Variants in HPSE2 observed in about 807,000 individuals in gnomAD.
HPSE2 encodes the protein inactive heparanase-2.
HPSE2 carries 38 observed loss-of-function variants against 60.5 expected under a neutral mutation model. That is an observed-to-expected ratio of 0.63 (90% CI 0.48 to 0.82). The LOEUF (loss-of-function observed/expected upper bound fraction) is 0.82, where lower values mean the gene tolerates loss of function less well. HPSE2 is among the 40% of genes least tolerant of loss of function. The probability of loss-of-function intolerance (pLI) is 0.00; values close to 1 mark genes in which losing one functional copy is unlikely to be tolerated. For missense variants in HPSE2, 713 were observed against 740.4 expected (o/e 0.96, Z 0.43); for synonymous variants, 295 against 293.2 (o/e 1.01, Z -0.06).
intron 3 of HPSE2, among the ~76,000 whole-genome samples, chr10:98,826,776 C>A (rs918739527): frequency 2.1e-4 from 32 of 152,154 alleles, no homozygotes; most frequent in Non-Finnish European, 4.4e-4. Flanking sequence ...GGGAGTAAAT[C>A]CACTAGCTCA....
At chr10:98,985,581 A>G (rs1170722866) in intron 3 of HPSE2, among the ~76,000 whole-genome samples, 1 of 152,234 alleles carries the variant, frequency 6.6e-6, no homozygotes, top group African/African-American at 2.4e-5. Flanking sequence ...AAACTGCATC[A>G]ACTAACGAGC....
intron 6 of HPSE2, among the ~76,000 whole-genome samples, chr10:98,643,635 A>G (rs959268935): frequency 1.3e-5 from 2 of 152,224 alleles, no homozygotes; most frequent in Admixed American, 6.5e-5. Context: ...TAACCTGTTC[A>G]TAGTAGTACT....
chr10:98,956,533 A>G (rs1289403418), intron 3 of HPSE2, among the ~76,000 whole-genome samples: 3 of 152,146 alleles, frequency 2.0e-5, no homozygotes, highest in African/African-American at 7.2e-5. Context: ...AGGCTTTCCA[A>G]ATCTCTACCA....
At chr10:99,184,819 T>TATAG (rs1554912295) in intron 2 of HPSE2, among the ~76,000 whole-genome samples, 18 of 19,860 alleles carry the variant, frequency 9.1e-4, no homozygotes, top group East Asian at 1.9e-3. Flanking sequence ...TATATATATA[T>TATAG]AGAGAGAGAG....
chr10:98,687,056 TTTG>T (rs1435615212), intron 6 of HPSE2, among the ~76,000 whole-genome samples: 7 of 152,268 alleles, frequency 4.6e-5, no homozygotes, highest in Middle Eastern at 3.4e-3. Flanking sequence ...TTTTTCTCCT[TTTG>T]TTGTTATTTT....
At chr10:98,860,880 T>C (rs1016420896) in intron 3 of HPSE2, among the ~76,000 whole-genome samples, 4 of 152,198 alleles carry the variant, frequency 2.6e-5, no homozygotes, top group Non-Finnish European at 4.4e-5. Flanking sequence ...TTTTACTCTG[T>C]GTTCTAATTT....
At chr10:98,767,591 A>T (rs1483873894) in intron 3 of HPSE2, among the ~76,000 whole-genome samples, 1 of 145,756 alleles carries the variant, frequency 6.9e-6, no homozygotes, top group Non-Finnish European at 1.5e-5. Flanking sequence ...ATATGTAGTT[A>T]TATACAATAC....
intron 3 of HPSE2, among the ~76,000 whole-genome samples, chr10:98,838,093 A>T (rs1271723701): frequency 6.6e-6 from 1 of 152,126 alleles, no homozygotes; most frequent in Non-Finnish European, 1.5e-5. Flanking sequence ...ACTGCCCCTA[A>T]CATAGCAAGC....
At chr10:99,103,877 A>AT (rs1844125221) in intron 3 of HPSE2, among the ~76,000 whole-genome samples, 3 of 152,244 alleles carry the variant, frequency 2.0e-5, no homozygotes, top group Non-Finnish European at 4.4e-5. Flanking sequence ...AGAACAAGAA[A>AT]TGGGGAAAGG....
intron 9 of HPSE2, among the ~76,000 whole-genome samples, chr10:98,561,475 C>T (rs1015567221): frequency 6.6e-6 from 1 of 152,084 alleles, no homozygotes; most frequent in African/African-American, 2.4e-5. Context: ...ATTATACAAG[C>T]ATCAACAAGT....
intron 3 of HPSE2, among the ~76,000 whole-genome samples, chr10:98,804,532 G>A (rs1002481875): frequency 2.6e-5 from 4 of 152,078 alleles, no homozygotes; most frequent in Non-Finnish European, 5.9e-5. Flanking sequence ...ATGAAATGGG[G>A]CTCAACATCA....
chr10:98,636,291 G>T (rs1946499495), intron 7 of HPSE2, among the ~76,000 whole-genome samples: 1 of 151,338 alleles, frequency 6.6e-6, no homozygotes, highest in Non-Finnish European at 1.5e-5. Flanking sequence ...CCAGACTGGA[G>T]TGCAATGGCG....
intron 3 of HPSE2, among the ~76,000 whole-genome samples, chr10:99,133,249 T>C (rs1012232272): frequency 5.3e-5 from 8 of 152,180 alleles, no homozygotes; most frequent in African/African-American, 1.9e-4. Context: ...CAGGGACTTA[T>C]AGATAAAACC....
At chr10:98,547,368 C>T (rs995820241) in intron 9 of HPSE2, among the ~76,000 whole-genome samples, 20 of 150,130 alleles carry the variant, frequency 1.3e-4, no homozygotes, top group East Asian at 6.0e-4. Flanking sequence ...ATGTTTATGG[C>T]GCCATTATTC....
chr10:99,027,248 T>C (rs1194476855), intron 3 of HPSE2, among the ~76,000 whole-genome samples: 1 of 140,962 alleles, frequency 7.1e-6, no homozygotes. Flanking sequence ...GGAGAGAAGA[T>C]CCAAATAAAG....
chr10:98,833,479 T>C (rs1204856519), intron 3 of HPSE2, among the ~76,000 whole-genome samples: 1 of 152,212 alleles, frequency 6.6e-6, no homozygotes, highest in Non-Finnish European at 1.5e-5. Flanking sequence ...ATCAAAATGA[T>C]ATTGTTATTA....
chr10:99,015,146 ATC>A (rs1957110283), intron 3 of HPSE2, among the ~76,000 whole-genome samples: 1 of 151,716 alleles, frequency 6.6e-6, no homozygotes, highest in African/African-American at 2.4e-5. Context: ...TAGAATGGCA[ATC>A]ATTAAAAAGT....
intron 3 of HPSE2, among the ~76,000 whole-genome samples, chr10:98,781,102 A>T (rs1324593778): frequency 6.6e-6 from 1 of 152,030 alleles, no homozygotes; most frequent in East Asian, 1.9e-4. Context: ...TGACACGATG[A>T]GCCACCTATA....
At chr10:98,574,068 T>A (rs2485029) in intron 9 of HPSE2, among the ~76,000 whole-genome samples, 4 of 149,442 alleles carry the variant, frequency 2.7e-5, no homozygotes, top group Non-Finnish European at 5.9e-5. Context: ...CCCTCACGCC[T>A]AGGAAACTAC....
Sources: gnomAD v4.1 joint callset for allele counts (sites outside exome capture counted in the v4.1 genomes callset) on GRCh38, gnomAD v4.1.1 for gene constraint, MANE v1.5 for transcripts, NCBI Gene and HGNC (gene_info 2026-07-23, HGNC 2026-07-21) for gene names.